Variants in WWP1 observed in about 807,000 individuals in gnomAD.
The protein encoded by WWP1 is NEDD4-like E3 ubiquitin-protein ligase WWP1.
In WWP1, 49 loss-of-function variants were observed where a neutral mutation model predicts 130.6. The ratio of observed to expected loss-of-function variants is 0.38; its 90% CI spans 0.30 to 0.48. WWP1 has a LOEUF of 0.48. Ranked by LOEUF, WWP1 falls within the 20% of genes least tolerant of loss-of-function variation. The pLI, the probability that WWP1 is intolerant of heterozygous loss-of-function variation, is 0.99. For missense variants in WWP1, 809 were observed against 1,100.6 expected (o/e 0.74, Z 3.75); for synonymous variants, 332 against 367.8 (o/e 0.90, Z 1.11).
chr8:86,357,682 T>A (rs761305046), intron 1 of WWP1, among the ~76,000 whole-genome samples: 1 of 152,224 alleles, frequency 6.6e-6, no homozygotes, highest in Non-Finnish European at 1.5e-5. Flanking sequence ...ATATCAGGGA[T>A]TCTGGATAAA....
intron 5 of WWP1, among the ~76,000 whole-genome samples, chr8:86,394,831 A>G (rs1383541790): frequency 6.6e-6 from 1 of 151,436 alleles, no homozygotes; most frequent in Non-Finnish European, 1.5e-5. Flanking sequence ...GTGAAATAAT[A>G]TATACTGTAA....
intron 8 of WWP1, among the ~76,000 whole-genome samples, chr8:86,408,031 A>C (rs1433784575): frequency 6.6e-6 from 1 of 152,108 alleles, no homozygotes; most frequent in African/African-American, 2.4e-5. Flanking sequence ...TAGTTTTACT[A>C]CTCTAAAATT....
rs1379110417 is a variant in WWP1 at position 86,467,599 on chromosome 8, T to C, written c.*706T>C. 6.6e-6 allele frequency: 1 copy of C among 152,334 alleles called. No individual in the cohort carries two copies. Among genetic ancestry groups the C allele is most frequent in the African/African-American group, 2.4e-5 (1 of 41,410 alleles). 9.4% of individuals were successfully genotyped at this position (152,334 alleles called of 1,614,324 possible). A position where few individuals can be genotyped will look rare whatever the true frequency, so the allele number is the denominator to read the frequency against. The stretch of plus-strand genomic sequence containing the variant: ...TTATTATCGAAATTGGAAGGATTCA[T>C]TGAGCAGCATAGAAGTTTGTTTACA... On this transcript the variant is annotated 3_prime_UTR_variant, in exon 25 of 25. Transcript: ENST00000517970.
intron 3 of WWP1, among the ~76,000 whole-genome samples, chr8:86,375,978 G>A (rs1824626599): frequency 6.6e-6 from 1 of 152,174 alleles, no homozygotes; most frequent in Non-Finnish European, 1.5e-5. Context: ...TGGTATCTTA[G>A]TGTTATTTAA....
intron 1 of WWP1, among the ~76,000 whole-genome samples, chr8:86,352,039 C>CTTTTTTTTTTTTTTTTTTTTTT (rs770047019): frequency 8.0e-6 from 1 of 125,196 alleles, no homozygotes. Flanking sequence ...TAAAATATTC[C>CTTTTTTTTTTTTTTTTTTTTTT]TTTTTTTTTT....
intron 22 of WWP1, 124 bp downstream of exon 22, chr8:86,458,149 TTC>T (rs1811559749): frequency 2.7e-6 from 2 of 737,752 alleles, no homozygotes; most frequent in East Asian, 5.7e-5. Flanking sequence ...AATTTTTTAA[TTC>T]TAAATCTAAG....
chr8:86,423,612 A>G (rs1235856702), intron 9 of WWP1, among the ~76,000 whole-genome samples: 4 of 152,144 alleles, frequency 2.6e-5, no homozygotes, highest in South Asian at 2.1e-4. Flanking sequence ...GGAGTCTCCT[A>G]TGTCTACTTC....
intron 15 of WWP1, 45 bp downstream of exon 15, chr8:86,435,572 C>A (rs936164709): frequency 3.7e-6 from 6 of 1,612,448 alleles, no homozygotes; most frequent in Non-Finnish European, 5.1e-6. Flanking sequence ...ATTTAGTCTT[C>A]TCTTTATACA....
intron 20 of WWP1, among the ~76,000 whole-genome samples, chr8:86,450,036 A>G (rs1430771023): frequency 6.6e-6 from 1 of 152,214 alleles, no homozygotes; most frequent in Non-Finnish European, 1.5e-5. Flanking sequence ...TGTGGGCTAG[A>G]TTTTTAAAAA....
Position 86,468,182 on chromosome 8 carries a change from AT to A in WWP1, c.*1295del, listed in dbSNP as rs1229858834. On this transcript the variant is annotated 3_prime_UTR_variant, in exon 25 of 25. Coordinates refer to ENST00000517970, the MANE Select transcript of WWP1 (RefSeq NM_007013.4). ...CACTGTAAATTTCATTAACTTAAAC[AT>A]TTTTTAATAGCCATGGAACTGACTT... 4.3e-6 allele frequency: 1 copy of A among 230,776 alleles called. No homozygotes were observed. Among genetic ancestry groups the A allele is most frequent in the Admixed American group, 5.5e-5 (1 of 18,306 alleles). The allele number at this position is 230,776 out of a possible 1,614,324, so 14.3% of individuals were successfully genotyped here.
At chr8:86,443,074 A>G (rs910362861) in intron 18 of WWP1, among the ~76,000 whole-genome samples, 53 of 152,242 alleles carry the variant, frequency 3.5e-4, no homozygotes, top group African/African-American at 1.2e-3. Context: ...TTTAATAGAA[A>G]AAATTTTAAT....
rs76008151 is a variant in WWP1 at position 86,455,930 on chromosome 8, C to G, written c.2395-1991C>G. On this transcript the variant is annotated intron_variant, in intron 21 of 24. Coordinates refer to ENST00000517970, the MANE Select transcript of WWP1 (RefSeq NM_007013.4). The stretch of plus-strand genomic sequence containing the variant: ...TGAAAGAATAGACAAATTGGTGGAA[C>G]ACTAGAATGTCCAGAAGTAGATCCA... 4.2e-3 allele frequency among the ~76,000 whole-genome samples: 639 copies of G among 151,622 alleles called. 4 individuals are homozygous for G. Among genetic ancestry groups the G allele is most frequent in the African/African-American group, 0.015 (605 of 41,390 alleles).
chr8:86,466,124 T>C (rs780737025), intron 24 of WWP1, among the ~76,000 whole-genome samples: 1 of 152,236 alleles, frequency 6.6e-6, no homozygotes, highest in Non-Finnish European at 1.5e-5. Context: ...TACTCAGTGC[T>C]GTACCTCACA....
chr8:86,418,031 C>T (rs1033562628), intron 9 of WWP1, among the ~76,000 whole-genome samples: 2 of 152,058 alleles, frequency 1.3e-5, no homozygotes, highest in Non-Finnish European at 2.9e-5. Context: ...GGCTAGAGAG[C>T]AGCTATATAA....
chr8:86,435,662 C>A lies in WWP1; in HGVS notation c.1707C>A (p.Ile569=), dbSNP rs758375024. 3.7e-6 allele frequency: 6 copies of A among 1,612,674 alleles called. No individual in the cohort carries two copies. The South Asian group carries it at 6.6e-5, about 18-fold the overall frequency. ...QSNALPSHVK[I]NVSRQTLFED... is the part of the protein sequence containing the mutation. ...ATGCACTACCTAGTCATGTAAAGATCAATGTGTCCCGGCAGACATTGTTTG... is the reference window on the plus strand; with the variant it reads ...ATGCACTACCTAGTCATGTAAAGATAAATGTGTCCCGGCAGACATTGTTTG... The change falls in exon 16 of 25, where the codon ATC becomes ATA. Residue 569 remains isoleucine, a synonymous_variant. Transcript: ENST00000517970.
At chr8:86,461,621 A>G (rs1811771215) in intron 23 of WWP1, 153 bp from the exon 24 acceptor site, 1 of 677,012 alleles carries the variant, frequency 1.5e-6, no homozygotes, top group African/African-American at 1.8e-5. Context: ...TCTCTGCAAC[A>G]ATTTTCTTCT....
intron 8 of WWP1, among the ~76,000 whole-genome samples, chr8:86,402,759 T>C (rs1808064191): frequency 6.6e-6 from 1 of 152,244 alleles, no homozygotes; most frequent in Admixed American, 6.5e-5. Context: ...AGAGCTAGAT[T>C]CTTAAGCTTT....
chr8:86,402,283 T>A, intron 8 of WWP1, 80 bp downstream of exon 8: 4 of 1,463,862 alleles, frequency 2.7e-6, no homozygotes, highest in Non-Finnish European at 2.7e-6. Context: ...TACACTTCCC[T>A]TTTTGTGTAG....
chr8:86,414,158 G>A (rs1458303234), intron 9 of WWP1, among the ~76,000 whole-genome samples: 2 of 152,140 alleles, frequency 1.3e-5, no homozygotes, highest in African/African-American at 2.4e-5. Flanking sequence ...AAATATAGGC[G>A]AGAATAGGAA....
Sources: gnomAD v4.1 joint callset for allele counts (sites outside exome capture counted in the v4.1 genomes callset) on GRCh38, gnomAD v4.1.1 for gene constraint, MANE v1.5 for transcripts, NCBI Gene and HGNC (gene_info 2026-07-23, HGNC 2026-07-21) for gene names.